Variants in GRIP1 observed in about 807,000 individuals in gnomAD.
The protein encoded by GRIP1 is glutamate receptor-interacting protein 1.
In GRIP1, 45 loss-of-function variants were observed where a neutral mutation model predicts 129.9. The observed-to-expected ratio is 0.35, with a 90% CI of 0.27 to 0.44. GRIP1 has a LOEUF of 0.44. Ranked by LOEUF, GRIP1 falls within the 20% of genes least tolerant of loss-of-function variation. The probability of loss-of-function intolerance (pLI) is 1.00; values close to 1 mark genes in which losing one functional copy is unlikely to be tolerated. For missense variants in GRIP1, 1,196 were observed against 1,396.8 expected, an observed-to-expected ratio of 0.86 and a Z score of 2.29; for synonymous variants, 530 against 520.8, an observed-to-expected ratio of 1.02 and a Z score of -0.24.
At chr12:66,872,928 A>G (rs999755308) in intron 1 of GRIP1, among the ~76,000 whole-genome samples, 1 of 152,090 alleles carries the variant, frequency 6.6e-6, no homozygotes, top group Non-Finnish European at 1.5e-5. Flanking sequence ...CCAAAATCTG[A>G]GACTTCATCA....
Position 66,709,427 on chromosome 12 carries a change from C to CA in GRIP1, c.-419-79092dup, listed in dbSNP as rs557367472. Among the ~76,000 whole-genome samples, 22 of 151,982 alleles carry CA rather than the reference C, an allele frequency of 1.4e-4. No homozygotes were observed. In the East Asian group the frequency reaches 2.9e-3, roughly 20 times the overall value. Reference sequence around the variant, plus strand: ...ATCCATGGGTTCCAAACCAAAAACTCAAAGTTGTTTTTCATCCTTTTCGTG... The same window carrying CA: ...ATCCATGGGTTCCAAACCAAAAACTCAAAAGTTGTTTTTCATCCTTTTCGTG... On this transcript the variant is annotated intron_variant, in intron 1 of 4. Coordinates refer to the GRIP1 transcript ENST00000538373.
At chr12:66,667,378 C>T (rs907789346) in intron 1 of GRIP1, among the ~76,000 whole-genome samples, 6 of 152,222 alleles carry the variant, frequency 3.9e-5, no homozygotes, top group African/African-American at 1.4e-4. Flanking sequence ...CACTTGAATG[C>T]TTCTGAGGCT....
intron 1 of GRIP1, among the ~76,000 whole-genome samples, chr12:66,871,049 T>C (rs2040287198): frequency 6.6e-6 from 1 of 152,086 alleles, no homozygotes; most frequent in African/African-American, 2.4e-5. Context: ...TTTTCATGTG[T>C]AAATAAAAGT....
At chr12:66,827,387 T>TGTGTGTGTGAGAGAGAGAGAGA (rs755458052) in intron 1 of GRIP1, among the ~76,000 whole-genome samples, 1,377 of 108,110 alleles carry the variant, frequency 0.013, 14 homozygotes, top group Middle Eastern at 0.035. Context: ...TGTGTGTGTG[T>TGTGTGTGTGAGAGAGAGAGAGA]GAGAGAGAGA....
Position 67,025,942 on chromosome 12 carries a change from C to T in GRIP1, c.58+43108G>A, listed in dbSNP as rs553328068. Among the ~76,000 whole-genome samples, 27 of 152,250 alleles carry T rather than the reference C, an allele frequency of 1.8e-4. 1 individual carries two copies. The highest frequency in any genetic ancestry group is 2.5e-4 in the Non-Finnish European group (17 of 68,014). On this transcript the variant is annotated intron_variant, in intron 1 of 1. Coordinates refer to the GRIP1 transcript ENST00000643019. The stretch of plus-strand genomic sequence containing the variant: ...ACTAGCCAGTGGTGTTCATTTTCCT[C>T]GGGCTTTTTTTCTTCTTCTTCTTTT...
At chr12:66,953,912 C>T (rs1304617065) in intron 1 of GRIP1, among the ~76,000 whole-genome samples, 1 of 152,104 alleles carries the variant, frequency 6.6e-6, no homozygotes, top group African/African-American at 2.4e-5. Flanking sequence ...AAACTTCATA[C>T]TCAAAATCTG....
At chr12:66,912,531 T>C (rs2041047214) in intron 1 of GRIP1, among the ~76,000 whole-genome samples, 1 of 152,142 alleles carries the variant, frequency 6.6e-6, no homozygotes, top group Non-Finnish European at 1.5e-5. Context: ...TCTGATAGGA[T>C]AAAATACTTT....
chr12:66,589,522 A>G (rs1036204461), intron 2 of GRIP1, among the ~76,000 whole-genome samples: 1 of 152,070 alleles, frequency 6.6e-6, no homozygotes, highest in Non-Finnish European at 1.5e-5. Flanking sequence ...GTGTTTCCCA[A>G]AGTAGGTGTG....
At chr12:66,478,699 TAA>T (rs201909179) in intron 7 of GRIP1, among the ~76,000 whole-genome samples, 5 of 151,578 alleles carry the variant, frequency 3.3e-5, no homozygotes, top group Non-Finnish European at 5.9e-5. Flanking sequence ...TATGCAGCCA[TAA>T]AAAAAAGATG....
intron 2 of GRIP1, among the ~76,000 whole-genome samples, chr12:66,563,371 T>C (rs1031385727): frequency 4.6e-5 from 7 of 152,256 alleles, no homozygotes; most frequent in African/African-American, 1.7e-4. Flanking sequence ...GCAATCATCT[T>C]GTTTTCAAAA....
At chr12:67,016,133 G>C (rs1216868521) in intron 1 of GRIP1, among the ~76,000 whole-genome samples, 1 of 152,194 alleles carries the variant, frequency 6.6e-6, no homozygotes, top group African/African-American at 2.4e-5. Context: ...CACTGACACT[G>C]TTCTTTGAGA....
At chr12:66,601,642 A>AC (rs1040473300) in intron 1 of GRIP1, among the ~76,000 whole-genome samples, 2 of 152,124 alleles carry the variant, frequency 1.3e-5, no homozygotes, top group African/African-American at 2.4e-5. Flanking sequence ...AAGCCAGCAG[A>AC]CCCCCTTAAC....
intron 1 of GRIP1, among the ~76,000 whole-genome samples, chr12:66,801,636 A>G (rs759956721): frequency 1.3e-5 from 2 of 152,148 alleles, no homozygotes; most frequent in Non-Finnish European, 2.9e-5. Context: ...CAGGGAGGAC[A>G]GACTTGGAGA....
intron 2 of GRIP1, chr12:66,567,651 T>C (rs1349551820): frequency 4.6e-6 from 1 of 216,966 alleles, no homozygotes; most frequent in East Asian, 1.1e-4. Context: ...AGACATCTTC[T>C]TGGTATCTAC....
intron 11 of GRIP1, among the ~76,000 whole-genome samples, chr12:66,454,844 G>T (rs929889111): frequency 6.6e-6 from 1 of 152,116 alleles, no homozygotes; most frequent in African/African-American, 2.4e-5. Flanking sequence ...GTAGGCTTCT[G>T]GAAAAAGTAT....
intron 1 of GRIP1, among the ~76,000 whole-genome samples, chr12:67,004,066 T>A (rs2042591866): frequency 6.6e-6 from 1 of 152,198 alleles, no homozygotes; most frequent in Non-Finnish European, 1.5e-5. Flanking sequence ...TAAGGACATT[T>A]GTGATGGCAT....
At chr12:66,422,401 C>A (rs182659810) in intron 14 of GRIP1, among the ~76,000 whole-genome samples, 1 of 152,258 alleles carries the variant, frequency 6.6e-6, no homozygotes, top group Non-Finnish European at 1.5e-5. Context: ...ATATAAGCAT[C>A]CAGGATTTCT....
intron 2 of GRIP1, among the ~76,000 whole-genome samples, chr12:66,593,741 G>A (rs1262381815): frequency 6.6e-6 from 1 of 152,102 alleles, no homozygotes; most frequent in Non-Finnish European, 1.5e-5. Flanking sequence ...TGGAGCTTTA[G>A]GGGAGATATA....
chr12:66,462,869 G>C (rs1402962575), intron 9 of GRIP1, 55 bp downstream of exon 9: 1 of 1,382,282 alleles, frequency 7.2e-7, no homozygotes, highest in Non-Finnish European at 1.0e-6. Flanking sequence ...CTCTGCTAGA[G>C]GGAGCAACAC....
Sources: allele counts gnomAD v4.1 joint callset (sites outside exome capture counted in the v4.1 genomes callset), GRCh38; gene constraint gnomAD v4.1.1; transcripts MANE v1.5; gene names NCBI Gene and HGNC (gene_info 2026-07-23, HGNC 2026-07-21).